The following MACROD2 variants were observed in gnomAD, a reference collection of about 807,000 sequenced individuals.
The protein encoded by MACROD2 is ADP-ribose glycohydrolase MACROD2.
A neutral mutation model predicts 70.4 loss-of-function variants in MACROD2; 36 were observed. The ratio of observed to expected loss-of-function variants is 0.51; its 90% CI spans 0.39 to 0.68. MACROD2 has a LOEUF of 0.68. Ranked by LOEUF, MACROD2 falls within the 30% of genes least tolerant of loss-of-function variation. MACROD2 has a pLI of 0.00. For synonymous variants in MACROD2, 172 were observed against 178.8 expected (o/e 0.96, Z 0.30); for missense variants, 496 against 538.4 (o/e 0.92, Z 0.78).
chr20:14,328,846 T>C (rs889694312), intron 3 of MACROD2: 2 of 152,080 alleles, frequency 1.3e-5, no homozygotes, highest in African/African-American at 2.4e-5. Flanking sequence ...GTAGGACACA[T>C]GGCTTCCTAT....
In MACROD2 at chr20:15,191,929, T is replaced by TAGAGAG. The variant is rs71950480; in HGVS notation, c.419-38010_419-38009insGAGAGA. 1.2e-3 allele frequency among the ~76,000 whole-genome samples: 100 copies of TAGAGAG among 86,390 alleles called. 1 individual carries two copies. The highest frequency in any genetic ancestry group is 2.9e-3 in the East Asian group (7 of 2,380). 56.7% of individuals were successfully genotyped at this position (86,390 alleles called of 152,430 possible). ...CTACACATATGTGTATATATATATA[T>TAGAGAG]ATAGAGAGAGAGAGAGTTAATACAT... is the stretch of plus-strand genomic sequence containing the variant. On this transcript the variant is annotated intron_variant, in intron 5 of 17. Coordinates refer to ENST00000684519, the MANE Select transcript of MACROD2 (RefSeq NM_001351661.2).
intron 8 of MACROD2, among the ~76,000 whole-genome samples, chr20:15,560,199 A>T (rs1329031094): frequency 1.3e-5 from 2 of 152,146 alleles, no homozygotes; most frequent in Admixed American, 1.3e-4. Flanking sequence ...AAAGTAAGAG[A>T]CATTGTGTTG....
At chr20:14,716,965 A>C (rs917950473) in intron 5 of MACROD2, among the ~76,000 whole-genome samples, 1 of 152,144 alleles carries the variant, frequency 6.6e-6, no homozygotes, top group African/African-American at 2.4e-5. Flanking sequence ...TCCTTAAATT[A>C]TGTTTAATTT....
At chr20:15,087,179 A>G (rs940848981) in intron 5 of MACROD2, among the ~76,000 whole-genome samples, 2 of 152,098 alleles carry the variant, frequency 1.3e-5, no homozygotes, top group Non-Finnish European at 2.9e-5. Context: ...GAGAATGTAT[A>G]GCTATCGGGA....
In MACROD2 at chr20:14,039,805, G is replaced by T. The variant is rs903510452; in HGVS notation, c.163+37401G>T. ...AGCTTAGGGCTTGAATTTGCCATCT[G>T]TTTTTTTTTTTTTATTAAGTATGAC... is the stretch of plus-strand genomic sequence containing the variant. On this transcript the variant is annotated intron_variant, in intron 2 of 17. Coordinates refer to ENST00000684519, the MANE Select transcript of MACROD2 (RefSeq NM_001351661.2). Among the ~76,000 whole-genome samples the T allele has an allele frequency of 1.7e-3, 245 of 145,076 alleles. 1 individual carries two copies. In the Middle Eastern group the frequency reaches 0.028, roughly 16 times the overall value.
At chr20:15,096,202 G>A (rs1257768454) in intron 5 of MACROD2, among the ~76,000 whole-genome samples, 1 of 151,964 alleles carries the variant, frequency 6.6e-6, no homozygotes, top group Non-Finnish European at 1.5e-5. Flanking sequence ...TCTCCACGGG[G>A]CCAAAGAGTT....
Position 15,323,968 on chromosome 20 carries a change from G to T in MACROD2, c.540+93907G>T, listed in dbSNP as rs188577441. Among the ~76,000 whole-genome samples, 572 of 152,080 alleles carry T rather than the reference G, an allele frequency of 3.8e-3. 2 individuals are homozygous for T. Among genetic ancestry groups the T allele is most frequent in the Middle Eastern group, 0.01 (3 of 294 alleles). On this transcript the variant is annotated intron_variant, in intron 6 of 17. Transcript: ENST00000684519. ...TTTTAAATAATACATGAATAGGATT[G>T]CAGAACTTTTTTTTTTGTTTTCTGT... is the stretch of plus-strand genomic sequence containing the variant.
intron 5 of MACROD2, among the ~76,000 whole-genome samples, chr20:15,144,656 T>TA (rs2076217585): frequency 6.6e-6 from 1 of 152,128 alleles, no homozygotes; most frequent in Non-Finnish European, 1.5e-5. Context: ...TTGTTAAAAA[T>TA]AATCAGGTAA....
chr20:16,011,347 T>A (rs2066860178), intron 15 of MACROD2, among the ~76,000 whole-genome samples: 1 of 152,170 alleles, frequency 6.6e-6, no homozygotes, highest in Non-Finnish European at 1.5e-5. Context: ...ACCACACCGT[T>A]TGGCTGAAAG....
At chr20:14,232,609 G>A (rs2081827422) in intron 3 of MACROD2, among the ~76,000 whole-genome samples, 1 of 152,182 alleles carries the variant, frequency 6.6e-6, no homozygotes, top group Admixed American at 6.5e-5. Flanking sequence ...CCTCACCTCT[G>A]TCAGCCTTCA....
intron 3 of MACROD2, among the ~76,000 whole-genome samples, chr20:14,271,208 C>A (rs1249220602): frequency 1.3e-5 from 2 of 152,198 alleles, no homozygotes; most frequent in African/African-American, 2.4e-5. Context: ...GTCCCTGACC[C>A]CTGACCCCCG....
At chr20:14,181,697 G>T (rs1381111399) in intron 3 of MACROD2, among the ~76,000 whole-genome samples, 1 of 151,558 alleles carries the variant, frequency 6.6e-6, no homozygotes, top group Non-Finnish European at 1.5e-5. Flanking sequence ...CTATAAATTG[G>T]CCTCTTCTGG....
intron 6 of MACROD2, among the ~76,000 whole-genome samples, chr20:15,369,877 A>G (rs1393609595): frequency 1.3e-5 from 2 of 152,180 alleles, no homozygotes; most frequent in Non-Finnish European, 2.9e-5. Context: ...GGAATTTTAA[A>G]TAAAGATTGT....
intron 6 of MACROD2, among the ~76,000 whole-genome samples, chr20:15,300,874 G>A (rs541706898): frequency 3.8e-4 from 58 of 152,196 alleles, no homozygotes; most frequent in Non-Finnish European, 7.1e-4. Context: ...TGCTTGCAAA[G>A]CTGGGCTGAA....
rs147952385 is a variant in MACROD2, at chr20:15,496,352, C to T, written c.572-3422C>T. On this transcript the variant is annotated intron_variant, in intron 7 of 17. Transcript: ENST00000684519. ...AGCGGGTCAATGGACTGGCTAAGCG[C>T]GGGGTGGGTCACTCTTGTGGATGTT... Among the ~76,000 whole-genome samples the T allele has an allele frequency of 1.6e-3, 239 of 152,232 alleles. 1 individual carries two copies. The highest frequency in any genetic ancestry group is 0.01 in the Middle Eastern group (3 of 294).
intron 8 of MACROD2, among the ~76,000 whole-genome samples, chr20:15,648,521 TAGTG>T (rs1486792055): frequency 2.0e-5 from 3 of 152,204 alleles, no homozygotes; most frequent in Non-Finnish European, 2.9e-5. Flanking sequence ...CTATCAACCT[TAGTG>T]AGCTCCATGG....
chr20:14,158,527 C>G (rs905330057), intron 3 of MACROD2, among the ~76,000 whole-genome samples: 1 of 151,930 alleles, frequency 6.6e-6, no homozygotes, highest in African/African-American at 2.4e-5. Context: ...GAAGTATTTT[C>G]CTTATGTTTT....
chr20:14,165,944 T>A (rs2055262321), intron 3 of MACROD2, among the ~76,000 whole-genome samples: 1 of 152,186 alleles, frequency 6.6e-6, no homozygotes, highest in African/African-American at 2.4e-5. Context: ...TTACCATGAT[T>A]TTCAGAAAGG....
At chr20:14,405,236 C>T (rs1017943204) in intron 3 of MACROD2, among the ~76,000 whole-genome samples, 1 of 152,098 alleles carries the variant, frequency 6.6e-6, no homozygotes, top group Non-Finnish European at 1.5e-5. Context: ...GATCGGTTAG[C>T]ATTTAAAGCA....
Sources: gnomAD v4.1 joint callset for allele counts (sites outside exome capture counted in the v4.1 genomes callset) on GRCh38, gnomAD v4.1.1 for gene constraint, MANE v1.5 for transcripts, NCBI Gene and HGNC (gene_info 2026-07-23, HGNC 2026-07-21) for gene names.